Variants in P3H2 observed in about 807,000 individuals in gnomAD.
The protein encoded by P3H2 is leprecan-like 1.
Under a neutral mutation model 87.0 loss-of-function variants are expected in P3H2, and 80 were observed. The observed-to-expected ratio is 0.92, with a 90% CI of 0.77 to 1.11. The LOEUF (loss-of-function observed/expected upper bound fraction) is 1.11. Ranked by LOEUF, P3H2 falls within the 50% of genes least tolerant of loss-of-function variation. The probability of loss-of-function intolerance (pLI) is 0.00; values close to 1 mark genes in which losing one functional copy is unlikely to be tolerated. For synonymous variants in P3H2, 367 were observed against 359.3 expected (o/e 1.02, Z -0.24); for missense variants, 1,001 against 923.9 (o/e 1.08, Z -1.08).
chr3:190,053,129 A>C (rs1267452193), intron 1 of P3H2, among the ~76,000 whole-genome samples: 2 of 152,134 alleles, frequency 1.3e-5, no homozygotes, highest in Non-Finnish European at 2.9e-5. Context: ...ACAATATCAC[A>C]ATTTGTTTTG....
At chr3:189,973,111 T>C (rs1213394987) in intron 10 of P3H2, 87 bp from the exon 11 acceptor site, 14 of 1,228,152 alleles carry the variant, frequency 1.1e-5, no homozygotes, top group East Asian at 2.5e-5. Flanking sequence ...TGAGCCAATA[T>C]AGGATTGTCA....
chr3:190,116,558 A>G lies in P3H2; in HGVS notation c.480+3694T>C, dbSNP rs1306283506. 6 of 152,282 alleles carry G rather than the reference A, an allele frequency of 3.9e-5. No individual in the cohort carries two copies. The East Asian group carries it at 9.6e-4, about 24-fold the overall frequency. 9.4% of individuals were successfully genotyped at this position (152,282 alleles called of 1,614,324 possible). ...CAAGAGATGCAGAAGTGTCAGGCAT[A>G]AGACAAAGCACTCATTGTTACCTTT... On this transcript the variant is annotated intron_variant, in intron 1 of 14. Coordinates refer to ENST00000319332, the MANE Select transcript of P3H2 (RefSeq NM_018192.4).
At chr3:190,041,276 A>T (rs1294816795) in intron 1 of P3H2, among the ~76,000 whole-genome samples, 1,673 of 7,538 alleles carry the variant, frequency 0.22, 52 homozygotes, top group African/African-American at 0.42. Context: ...ACCTGTCTTA[A>T]AAAAAAAAAA....
intron 1 of P3H2, among the ~76,000 whole-genome samples, chr3:190,051,395 A>G (rs549978130): frequency 6.6e-6 from 1 of 152,326 alleles, no homozygotes; most frequent in Admixed American, 6.5e-5. Flanking sequence ...AAACAATGCA[A>G]TTTAATACGG....
chr3:189,987,813 A>T (rs1364481044), intron 4 of P3H2, 144 bp from the exon 5 acceptor site: 2 of 877,608 alleles, frequency 2.3e-6, no homozygotes, highest in Non-Finnish European at 3.7e-6. Flanking sequence ...GAGAAAGCAG[A>T]AACAGTCACA....
At chr3:190,053,961 T>C (rs1726069149) in intron 1 of P3H2, among the ~76,000 whole-genome samples, 1 of 152,246 alleles carries the variant, frequency 6.6e-6, no homozygotes, top group South Asian at 2.1e-4. Flanking sequence ...GGTTTTTTTA[T>C]ATCAATGTTT....
In P3H2 at chr3:189,972,862, C is replaced by T; in HGVS notation, c.1699+12G>A. 5 of 1,613,934 alleles carry T rather than the reference C, an allele frequency of 3.1e-6. No homozygotes were observed. Among genetic ancestry groups the T allele is most frequent in the Non-Finnish European group, 3.4e-6 (4 of 1,179,904 alleles). ...GTGGGTAAAAGGGAACCATTTCAGACTGCAATCTCACCAGACAGGGCTGTT... is the reference window on the plus strand; with the variant it reads ...GTGGGTAAAAGGGAACCATTTCAGATTGCAATCTCACCAGACAGGGCTGTT... On this transcript the variant is annotated intron_variant, in intron 11 of 14. Transcript: ENST00000319332.
rs535879283 is a variant in P3H2, at chr3:190,099,185, T to C, written c.480+21067A>G. Among the ~76,000 whole-genome samples the C allele has an allele frequency of 9.2e-5, 14 of 152,306 alleles. No individual in the cohort carries two copies. The East Asian group carries it at 2.7e-3, about 29-fold the overall frequency. ...CAAAAATACTTACATTAAATATTAT[T>C]GCCAAGAAGCTAGTAAAAAATGCCT... On this transcript the variant is annotated intron_variant, in intron 1 of 14. Transcript: ENST00000319332.
chr3:189,972,577 G>C (rs952821258), intron 11 of P3H2, among the ~76,000 whole-genome samples: 1 of 152,066 alleles, frequency 6.6e-6, no homozygotes, highest in Non-Finnish European at 1.5e-5. Context: ...CCATGTTCCT[G>C]ATTCCTCAAA....
At position 189,973,507 on chromosome 3, in the gene P3H2, C is replaced by CTTTTTTTTTTTTTTTT. The variant is rs879286759; in HGVS notation, c.1548+401_1548+402insAAAAAAAAAAAAAAAA. The stretch of plus-strand genomic sequence containing the variant: ...TCAAAACTTTTTTCTTTCTTTCTTT[C>CTTTTTTTTTTTTTTTT]TTTCTTTTTTTTTTTTTTTTTTTTT... On this transcript the variant is annotated intron_variant, in intron 10 of 14. Coordinates refer to ENST00000319332, the MANE Select transcript of P3H2 (RefSeq NM_018192.4). Among the ~76,000 whole-genome samples, 67 of 78,964 alleles carry CTTTTTTTTTTTTTTTT rather than the reference C, an allele frequency of 8.5e-4. 3 individuals are homozygous for CTTTTTTTTTTTTTTTT. Among genetic ancestry groups the CTTTTTTTTTTTTTTTT allele is most frequent in the African/African-American group, 1.4e-3 (30 of 21,310 alleles). The allele number at this position is 78,964 out of a possible 152,430, so 51.8% of individuals were successfully genotyped here. A position where few individuals can be genotyped will look rare whatever the true frequency, so the allele number is the denominator to read the frequency against.
chr3:190,080,056 T>C (rs891334365), intron 1 of P3H2, among the ~76,000 whole-genome samples: 1 of 152,130 alleles, frequency 6.6e-6, no homozygotes, highest in Non-Finnish European at 1.5e-5. Flanking sequence ...AGTAGAGGCA[T>C]AAAAAATTAG....
In P3H2 at chr3:189,987,548, C is replaced by T. The variant is rs761021603; in HGVS notation, c.1077G>A (p.Pro359=). 60 of 1,613,808 alleles carry T rather than the reference C, an allele frequency of 3.7e-5. No homozygotes were observed. In the Admixed American group the frequency reaches 3.8e-4, roughly 10 times the overall value. The change falls in exon 5 of 15, where the codon CCG becomes CCA. Residue 359 remains proline, a synonymous_variant. Transcript: ENST00000319332. ...TCACCTCTCTGGCCTCAATGGATGC[C>T]GGGTCAATGCTATCATCCAGCAGAC... ...YESLLDDSID[P]ASIEAREDLT...
At chr3:190,010,760 A>T (rs999636192) in intron 1 of P3H2, among the ~76,000 whole-genome samples, 1 of 152,226 alleles carries the variant, frequency 6.6e-6, no homozygotes, top group Non-Finnish European at 1.5e-5. Flanking sequence ...GAAAATAACA[A>T]GTTTGGCATC....
In P3H2 at chr3:189,987,662, C is replaced by T. The variant is rs115135098; in HGVS notation, c.963G>A (p.Glu321=). The stretch of plus-strand genomic sequence containing the variant: ...TGGCACACTCCAGGGCTTTCACATA[C>T]TCACCAACTGAAAGACAAAGGAGTT... The part of the protein sequence containing the change: ...YLQFAYYRVG[E]YVKALECAKA... Residue 321 remains glutamate (E), a synonymous_variant, in exon 5 of 15, where the codon GAG becomes GAA. Transcript: ENST00000319332. The T allele has an allele frequency of 6.7e-4, 1,084 of 1,614,076 alleles. No homozygotes were observed. The highest frequency in any genetic ancestry group is 8.1e-4 in the Non-Finnish European group (959 of 1,179,990).
intron 8 of P3H2, among the ~76,000 whole-genome samples, chr3:189,977,254 A>C (rs1282169369): frequency 1.3e-5 from 2 of 152,220 alleles, no homozygotes; most frequent in East Asian, 3.8e-4. Flanking sequence ...TGACTATGTT[A>C]CATGAAATTG....
At chr3:190,063,638 A>G (rs370693734) in intron 1 of P3H2, among the ~76,000 whole-genome samples, 4 of 152,100 alleles carry the variant, frequency 2.6e-5, no homozygotes, top group African/African-American at 9.7e-5. Context: ...TCCACCCTTG[A>G]TGTTCTGTGA....
chr3:190,062,710 T>G (rs1168853079), intron 1 of P3H2, among the ~76,000 whole-genome samples: 2 of 152,146 alleles, frequency 1.3e-5, no homozygotes, highest in African/African-American at 4.8e-5. Context: ...AGTTACTCAA[T>G]CTCTCTGTGG....
chr3:190,023,959 T>C (rs1012630489), intron 1 of P3H2, among the ~76,000 whole-genome samples: 4 of 152,228 alleles, frequency 2.6e-5, no homozygotes, highest in African/African-American at 9.6e-5. Context: ...ACTGGTGAGA[T>C]ATAAAGTGAA....
At chr3:190,006,820 T>C (rs182189063) in intron 1 of P3H2, among the ~76,000 whole-genome samples, 17 of 152,278 alleles carry the variant, frequency 1.1e-4, no homozygotes, top group Non-Finnish European at 2.2e-4. Flanking sequence ...AAGATAGTGT[T>C]TTGGATAACG....
Sources: gnomAD v4.1 joint callset for allele counts (sites outside exome capture counted in the v4.1 genomes callset) on GRCh38, gnomAD v4.1.1 for gene constraint, MANE v1.5 for transcripts, NCBI Gene and HGNC (gene_info 2026-07-23, HGNC 2026-07-21) for gene names.